PBX4: variants seen among roughly 807,000 people sequenced by gnomAD.
The protein encoded by PBX4 is pre-B-cell leukemia transcription factor 4.
Under a neutral mutation model 35.1 loss-of-function variants are expected in PBX4, and 26 were observed. The ratio of observed to expected loss-of-function variants is 0.74; its 90% CI spans 0.54 to 1.03. The LOEUF is 1.03. Ranked by LOEUF, PBX4 falls within the 50% of genes least tolerant of loss-of-function variation. The pLI is 0.00. For synonymous variants in PBX4, 199 were observed against 204.2 expected, an observed-to-expected ratio of 0.97 and a Z score of 0.22; for missense variants, 448 against 504.3, an observed-to-expected ratio of 0.89 and a Z score of 1.07.
At chr19:19,612,484 ATT>A (rs922105158) in intron 1 of PBX4, among the ~76,000 whole-genome samples, 1 of 152,124 alleles carries the variant, frequency 6.6e-6, no homozygotes, top group Non-Finnish European at 1.5e-5. Context: ...GATCAGAAAG[ATT>A]TTCAAAAGCC....
intron 1 of PBX4, among the ~76,000 whole-genome samples, chr19:19,605,437 T>C (rs1020743420): frequency 1.4e-5 from 2 of 140,674 alleles, no homozygotes; most frequent in South Asian, 2.2e-4. Flanking sequence ...ATAATAATAA[T>C]AATAATAATA....
intron 1 of PBX4, among the ~76,000 whole-genome samples, chr19:19,613,941 A>G (rs1246918456): frequency 6.6e-6 from 1 of 152,284 alleles, no homozygotes; most frequent in East Asian, 1.9e-4. Flanking sequence ...ACAATTATTT[A>G]CAAGTTGGTC....
Position 19,583,991 on chromosome 19 carries a change from C to T in PBX4, c.194-13158G>A, listed in dbSNP as rs558315103. ...GGCTGAGGCAGGAGAATTGCTTGAA[C>T]CCACGAGGCGGAGGTTGTGGTGAGC... On this transcript the variant is annotated intron_variant, in intron 2 of 7. Transcript: ENST00000251203. Among the ~76,000 whole-genome samples the T allele has an allele frequency of 1.4e-4, 22 of 152,274 alleles. 1 individual carries two copies. The highest frequency in any genetic ancestry group is 5.1e-4 in the African/African-American group (21 of 41,558).
Position 19,618,661 on chromosome 19 carries a change from T to A in PBX4, c.-32A>T, listed in dbSNP as rs896077777. On this transcript the variant is annotated 5_prime_UTR_variant, in exon 1 of 8. Transcript: ENST00000251203. ...CAGGGCCGGGCGGGCGCTGTGAGGG[T>A]GCCGTCGAGCCTGGAGCACTACCAC... is the stretch of plus-strand genomic sequence containing the variant. 2 of 1,196,814 alleles carry A rather than the reference T, an allele frequency of 1.7e-6. No individual in the cohort carries two copies. Among genetic ancestry groups the A allele is most frequent in the Non-Finnish European group, 2.1e-6 (2 of 965,622 alleles). 74.1% of individuals were successfully genotyped at this position (1,196,814 alleles called of 1,614,324 possible).
At chr19:19,600,590 G>A (rs966905032) in intron 1 of PBX4, among the ~76,000 whole-genome samples, 3 of 151,480 alleles carry the variant, frequency 2.0e-5, no homozygotes, top group Non-Finnish European at 4.4e-5. Flanking sequence ...CGGCCGAGGC[G>A]GATGGATCGC....
intron 2 of PBX4, among the ~76,000 whole-genome samples, chr19:19,582,187 C>T (rs2144736115): frequency 6.6e-6 from 1 of 152,320 alleles, no homozygotes; most frequent in African/African-American, 2.4e-5. Context: ...TCTAGCTTCC[C>T]AGTGATACGG....
chr19:19,597,715 A>C (rs1324291788), intron 2 of PBX4, among the ~76,000 whole-genome samples: 1 of 152,212 alleles, frequency 6.6e-6, no homozygotes, highest in Non-Finnish European at 1.5e-5. Context: ...CACTCTAAGA[A>C]ATCAAGTGAC....
chr19:19,597,078 G>A (rs1343294043), intron 2 of PBX4, among the ~76,000 whole-genome samples: 1 of 152,086 alleles, frequency 6.6e-6, no homozygotes, highest in African/African-American at 2.4e-5. Flanking sequence ...GCTGGGTGTG[G>A]TGGCAGGCGC....
At position 19,609,622 on chromosome 19, in the gene PBX4, G is replaced by A. The variant is rs537134149; in HGVS notation, c.119+8889C>T. On this transcript the variant is annotated intron_variant, in intron 1 of 7. Transcript: ENST00000251203. ...TCCCAGCACTTTGGCAGGCCGAGGA[G>A]GGCAGATCACGAGCTCAGGAGATCG... is the stretch of plus-strand genomic sequence containing the variant. 3.0e-4 allele frequency among the ~76,000 whole-genome samples: 46 copies of A among 151,360 alleles called. 1 individual carries two copies. The South Asian group carries it at 9.0e-3, about 30-fold the overall frequency.
chr19:19,570,323 C>A, intron 3 of PBX4, 24 bp from the exon 4 acceptor site: 1 of 1,574,774 alleles, frequency 6.4e-7, no homozygotes, highest in Non-Finnish European at 8.6e-7. Context: ...ACAGACACGC[C>A]GGCCTGTGAC....
intron 6 of PBX4, among the ~76,000 whole-genome samples, chr19:19,564,106 A>T (rs2144696180): frequency 6.7e-6 from 1 of 149,826 alleles, no homozygotes; most frequent in Non-Finnish European, 1.5e-5. Context: ...CTCGTCATCT[A>T]GCATTAGGTA....
chr19:19,573,326 A>AAT (rs1555734802), intron 2 of PBX4, among the ~76,000 whole-genome samples: 259 of 81,728 alleles, frequency 3.2e-3, no homozygotes, highest in South Asian at 0.03. Context: ...AAAAAAAAAA[A>AAT]ATATACACAC....
chr19:19,571,050 A>T (rs1490241173), intron 2 of PBX4, among the ~76,000 whole-genome samples: 1 of 152,198 alleles, frequency 6.6e-6, no homozygotes, highest in Non-Finnish European at 1.5e-5. Context: ...TCTGGGGAGG[A>T]ACGGGGAGAC....
intron 2 of PBX4, among the ~76,000 whole-genome samples, chr19:19,590,580 C>T (rs922154554): frequency 9.2e-5 from 14 of 151,668 alleles, no homozygotes; most frequent in South Asian, 6.2e-4. Context: ...GTGATTCTCG[C>T]GCCTCAGCCT....
intron 1 of PBX4, among the ~76,000 whole-genome samples, chr19:19,614,333 AAAAC>A (rs1226108916): frequency 6.6e-6 from 1 of 151,624 alleles, no homozygotes; most frequent in African/African-American, 2.4e-5. Flanking sequence ...CCCTGTCTCA[AAAAC>A]AAACAAACAA....
At chr19:19,582,268 C>A (rs1473574961) in intron 2 of PBX4, among the ~76,000 whole-genome samples, 1 of 152,188 alleles carries the variant, frequency 6.6e-6, no homozygotes, top group Non-Finnish European at 1.5e-5. Context: ...CGGCCCTGTG[C>A]CCTCGGACCT....
chr19:19,584,341 G>A (rs186653541), intron 2 of PBX4, among the ~76,000 whole-genome samples: 25 of 152,290 alleles, frequency 1.6e-4, no homozygotes, highest in African/African-American at 5.8e-4. Context: ...AGTCTTCCTG[G>A]AGATATTTTA....
chr19:19,615,698 C>G (rs902153946), intron 1 of PBX4, among the ~76,000 whole-genome samples: 2 of 152,156 alleles, frequency 1.3e-5, no homozygotes, highest in Non-Finnish European at 2.9e-5. Context: ...TTGTGACCAG[C>G]CTGGCCAACA....
intron 2 of PBX4, among the ~76,000 whole-genome samples, chr19:19,573,002 G>A (rs2061395158): frequency 6.6e-6 from 1 of 150,546 alleles, no homozygotes; most frequent in Admixed American, 6.6e-5. Flanking sequence ...CACAAACCTG[G>A]TGCTTAATAC....
Sources: allele counts gnomAD v4.1 joint callset (sites outside exome capture counted in the v4.1 genomes callset), GRCh38; gene constraint gnomAD v4.1.1; transcripts MANE v1.5; gene names NCBI Gene and HGNC (gene_info 2026-07-23, HGNC 2026-07-21).